The following AGAP3 variants were observed in gnomAD, a reference collection of about 807,000 sequenced individuals.
The protein encoded by AGAP3 is ArfGAP with GTPase domain, ankyrin repeat and PH domain 3.
AGAP3 carries 24 observed loss-of-function variants against 96.9 expected under a neutral mutation model. That is an observed-to-expected ratio of 0.25 (90% confidence interval 0.18 to 0.35). The LOEUF (loss-of-function observed/expected upper bound fraction) is 0.35, where lower values mean the gene tolerates loss of function less well. AGAP3 is among the 10% of genes least tolerant of loss of function. AGAP3 has a pLI of 1.00. For synonymous variants in AGAP3, 563 were observed against 536.1 expected (o/e 1.05, Z -0.69); for missense variants, 876 against 1,254.2 (o/e 0.70, Z 4.55).
chr7:151,116,645 C>A, intron 1 of AGAP3, 148 bp from the exon 2 acceptor site: 1 of 797,462 alleles, frequency 1.3e-6, no homozygotes, highest in Non-Finnish European at 2.1e-6. Flanking sequence ...TCCTGGGGAA[C>A]TAGGGGTGAG....
intron 1 of AGAP3, among the ~76,000 whole-genome samples, chr7:151,113,734 G>T (rs896103477): frequency 1.3e-5 from 2 of 152,230 alleles, no homozygotes; most frequent in African/African-American, 4.8e-5. Flanking sequence ...GGGCTTCAGA[G>T]CCTGGGAGAG....
chr7:151,123,930 C>G (rs1177637708), intron 9 of AGAP3, 44 bp downstream of exon 9: 1 of 1,576,648 alleles, frequency 6.3e-7, no homozygotes, highest in Non-Finnish European at 8.6e-7. Flanking sequence ...CAGAATGAGG[C>G]CCAGGAATGT....
intron 1 of AGAP3, chr7:151,115,196 G>T: frequency 9.9e-7 from 1 of 1,008,298 alleles, no homozygotes; most frequent in Non-Finnish European, 1.2e-6. Flanking sequence ...CCGCCGAGGC[G>T]CCGGGCGCGG....
At chr7:151,111,061 A>C (rs1393408010) in intron 1 of AGAP3, among the ~76,000 whole-genome samples, 1 of 152,048 alleles carries the variant, frequency 6.6e-6, no homozygotes, top group African/African-American at 2.4e-5. Flanking sequence ...TGATTCCCTA[A>C]GCTCCAACTT....
chr7:151,123,661 C>G, intron 8 of AGAP3, 133 bp from the exon 9 acceptor site: 1 of 1,524,836 alleles, frequency 6.6e-7, no homozygotes, highest in Non-Finnish European at 8.8e-7. Context: ...TCCTTCCCGT[C>G]CCGCCGCCCC....
At chr7:151,135,764 TC>T (rs1282179383) in intron 11 of AGAP3, among the ~76,000 whole-genome samples, 1 of 152,154 alleles carries the variant, frequency 6.6e-6, no homozygotes, top group Non-Finnish European at 1.5e-5. Context: ...AGGTCCCAGG[TC>T]CTCAGCAGCT....
At chr7:151,132,037 A>C (rs1800423503) in intron 10 of AGAP3, among the ~76,000 whole-genome samples, 1 of 152,166 alleles carries the variant, frequency 6.6e-6, no homozygotes, top group Admixed American at 6.5e-5. Flanking sequence ...AGTCTGTGGG[A>C]TGCAAGTGGA....
chr7:151,142,692 G>C lies in AGAP3; in HGVS notation c.2273+58G>C. ...ATGGGGGAAGCGTTGGGGGCTCCCAGCATGGGGAAGATTGGAGTGGCTGTG... is the reference window on the plus strand; with the variant it reads ...ATGGGGGAAGCGTTGGGGGCTCCCACCATGGGGAAGATTGGAGTGGCTGTG... On this transcript the variant is annotated intron_variant, in intron 16 of 17. Transcript: ENST00000397238. This position sits in a 1 kb window ranked among gnomAD's most constrained non-coding sequence, Gnocchi z 7.5. The C allele has an allele frequency of 2.0e-6, 3 of 1,537,788 alleles. No homozygotes were observed. Among genetic ancestry groups the C allele is most frequent in the Non-Finnish European group, 2.7e-6 (3 of 1,125,084 alleles).
In AGAP3 at chr7:151,141,777, G is replaced by A; in HGVS notation, c.1805-121G>A. The A allele has an allele frequency of 3.1e-6, 4 of 1,302,008 alleles. No individual in the cohort carries two copies. Among genetic ancestry groups the A allele is most frequent in the Non-Finnish European group, 3.3e-6 (3 of 912,948 alleles). 80.7% of individuals were successfully genotyped at this position (1,302,008 alleles called of 1,614,324 possible). ...TGGAGTGTGTGGCCTTGCAGCTGGG[G>A]AAGGGTCTAGGGGAGGACACTTGCC... On this transcript the variant is annotated intron_variant, in intron 13 of 17. Transcript: ENST00000397238. This position sits in a 1 kb window ranked among gnomAD's most constrained non-coding sequence, Gnocchi z 4.2.
rs560715913 is a variant in AGAP3 at position 151,108,034 on chromosome 7, G to T, written c.332-8759G>T. On this transcript the variant is annotated intron_variant, in intron 1 of 17. Transcript: ENST00000397238. This position sits in a 1 kb window ranked among gnomAD's most constrained non-coding sequence, Gnocchi z 4.2. ...GCGGGGGGTGCAGCACATGCTGGTC[G>T]CGTTCCTCTCCAGGGAGGAGCTGCT... Among the ~76,000 whole-genome samples, 1 of 152,324 alleles carries T rather than the reference G, an allele frequency of 6.6e-6. No homozygotes were observed. Among genetic ancestry groups the T allele is most frequent in the East Asian group, 1.9e-4 (1 of 5,174 alleles).
intron 1 of AGAP3, among the ~76,000 whole-genome samples, chr7:151,109,189 A>C (rs886164725): frequency 6.9e-6 from 1 of 144,998 alleles, no homozygotes; most frequent in Admixed American, 6.7e-5. Context: ...AACAAAAAAC[A>C]AAAAACAAAG....
chr7:151,127,398 C>T (rs887468308), intron 9 of AGAP3, among the ~76,000 whole-genome samples: 4 of 152,158 alleles, frequency 2.6e-5, no homozygotes, highest in Non-Finnish European at 5.9e-5. Context: ...TTCAAGTCTC[C>T]CTGCTGGGGG....
chr7:151,116,843 C>G lies in AGAP3; in HGVS notation c.382C>G (p.Leu128Val). The part of the protein sequence containing the change: ...EWTLSRSVPE[L>V]KVGIVGNLSS... ...GACGCTGAGCCGCTCCGTACCGGAG[C>G]TTAAAGTGGTGAGTGTGGCCCATGG... Residue 128 changes from leucine to valine, a missense_variant, in exon 2 of 18, where the codon CTT becomes GTT. This residue lies in a region of AGAP3 where 131 missense variants were observed against 304.5 expected (regional missense o/e 0.43). Transcript: ENST00000397238. 1 of 1,614,120 alleles carries G rather than the reference C, an allele frequency of 6.2e-7. No homozygotes were observed. Among genetic ancestry groups the G allele is most frequent in the Non-Finnish European group, 8.5e-7 (1 of 1,180,006 alleles).
intron 1 of AGAP3, among the ~76,000 whole-genome samples, chr7:151,087,389 G>C (rs1798202554): frequency 6.6e-6 from 1 of 152,204 alleles, no homozygotes; most frequent in African/African-American, 2.4e-5. Context: ...GGCTTCAGCT[G>C]CGGGGAGGTG....
In AGAP3 at chr7:151,143,824, A is replaced by G. The variant is rs781734970; in HGVS notation, c.2617A>G (p.Ile873Val). The G allele has an allele frequency of 1.2e-6, 2 of 1,614,060 alleles. No homozygotes were observed. The highest frequency in any genetic ancestry group is 1.1e-5 in the South Asian group (1 of 91,086). Reference protein sequence around the residue: ...RRAGSQECADILIQHGCPGEG... With the variant: ...RRAGSQECADVLIQHGCPGEG... ...GGCCGGCAGCCAGGAGTGTGCAGAC[A>G]TCTTGATCCAGCATGGCTGCCCTGG... is the stretch of plus-strand genomic sequence containing the variant. Residue 873 changes from isoleucine (I) to valine (V), a missense_variant, in exon 18 of 18, where the codon ATC becomes GTC. Ile to Val is a conservative substitution (Grantham distance 29). Transcript: ENST00000397238. This position sits in a 1 kb window ranked among gnomAD's most constrained non-coding sequence, Gnocchi z 5.9.
rs4440544 is a variant in AGAP3 at position 151,100,147 on chromosome 7, G to A, written c.331+13075G>A. On this transcript the variant is annotated intron_variant, in intron 1 of 17. Transcript: ENST00000397238. ...CTGCCTGCAGTGCGCCCTTTGTGGCGTCTCAGATGGGGTGTCCTGAGCCCA... is the reference window on the plus strand; with the variant it reads ...CTGCCTGCAGTGCGCCCTTTGTGGCATCTCAGATGGGGTGTCCTGAGCCCA... Among the ~76,000 whole-genome samples, 1,437 of 152,328 alleles carry A rather than the reference G, an allele frequency of 9.4e-3. 105 individuals are homozygous for A. The East Asian group carries it at 0.19, about 20-fold the overall frequency.
At position 151,142,773 on chromosome 7, in the gene AGAP3, G is replaced by A. The variant is rs1442795443; in HGVS notation, c.2273+139G>A. 1 of 922,984 alleles carries A rather than the reference G, an allele frequency of 1.1e-6. No individual in the cohort carries two copies. The highest frequency in any genetic ancestry group is 1.6e-6 in the Non-Finnish European group (1 of 622,586). 57.2% of individuals were successfully genotyped at this position (922,984 alleles called of 1,614,324 possible). A position where few individuals can be genotyped will look rare whatever the true frequency, so the allele number is the denominator to read the frequency against. On this transcript the variant is annotated intron_variant, in intron 16 of 17. Coordinates refer to ENST00000397238, the MANE Select transcript of AGAP3 (RefSeq NM_031946.7). The surrounding 1 kb of genome is among the most constrained non-coding windows in gnomAD (Gnocchi z 7.5). ...GCTCTGCTTGGCAGTTGGCCCCTTGGGGGTGCCCCTCCTGCTCTGGTGCCT... is the reference window on the plus strand; with the variant it reads ...GCTCTGCTTGGCAGTTGGCCCCTTGAGGGTGCCCCTCCTGCTCTGGTGCCT...
chr7:151,143,359 G>A lies in AGAP3; in HGVS notation c.2292G>A (p.Trp764Ter). ...PDACREEKER[W>*]IRAKYEQKLF... ...GTTGCAGAGAGGAGAAGGAACGCTG[G>A]ATACGGGCCAAGTATGAACAGAAGC... Residue 764 changes from tryptophan (W) to a stop codon, truncating the protein, a stop_gained, in exon 17 of 18, where the codon TGG becomes TGA. Transcript: ENST00000397238. LOFTEE classifies it high-confidence loss of function. The surrounding 1 kb of genome is among the most constrained non-coding windows in gnomAD (Gnocchi z 5.9). The A allele has an allele frequency of 6.2e-7, 1 of 1,612,878 alleles. No homozygotes were observed. The highest frequency in any genetic ancestry group is 1.7e-5 in the Admixed American group (1 of 59,964).
Position 151,126,633 on chromosome 7 carries a change from C to A in AGAP3, c.1222-1947C>A, listed in dbSNP as rs536274866. Among the ~76,000 whole-genome samples, 85 of 152,290 alleles carry A rather than the reference C, an allele frequency of 5.6e-4. 1 individual carries two copies. The highest frequency in any genetic ancestry group is 2.0e-3 in the African/African-American group (82 of 41,562). On this transcript the variant is annotated intron_variant, in intron 9 of 17. Transcript: ENST00000397238. ...GAGGGACTTAGAGCCTTCGAGCACG[C>A]TAGTCCCATGGCTGGTCGCAGCGGG... is the stretch of plus-strand genomic sequence containing the variant.
Sources: gnomAD v4.1 joint callset for allele counts (sites outside exome capture counted in the v4.1 genomes callset) on GRCh38, gnomAD v4.1.1 for gene constraint, gnomAD v4.1.1 regional missense constraint, Gnocchi (gnomAD v3.1) non-coding constraint, MANE v1.5 for transcripts, NCBI Gene and HGNC (gene_info 2026-07-23, HGNC 2026-07-21) for gene names.